The following FBXL13 variants were observed in gnomAD, a reference collection of about 807,000 sequenced individuals.
FBXL13 encodes the protein F-box and leucine-rich repeat protein 13.
In FBXL13, 67 loss-of-function variants were observed where a neutral mutation model predicts 83.6. The ratio of observed to expected loss-of-function variants is 0.80; its 90% CI spans 0.66 to 0.98. The LOEUF is 0.98. Ranked by LOEUF, FBXL13 falls within the 50% of genes least tolerant of loss-of-function variation. FBXL13 has a pLI of 0.00. For synonymous variants in FBXL13, 272 were observed against 299.5 expected, an observed-to-expected ratio of 0.91 and a Z score of 0.95; for missense variants, 822 against 866.5, an observed-to-expected ratio of 0.95 and a Z score of 0.64.
intron 6 of FBXL13, among the ~76,000 whole-genome samples, chr7:102,980,283 G>A (rs960890108): frequency 6.6e-6 from 1 of 152,198 alleles, no homozygotes; most frequent in Non-Finnish European, 1.5e-5. Context: ...GAATAGAGCT[G>A]AGAGACCAGA....
intron 6 of FBXL13, chr7:102,973,564 G>C (rs778962770): frequency 2.6e-6 from 2 of 765,232 alleles, no homozygotes; most frequent in Non-Finnish European, 4.8e-6. Context: ...ACACTGCCTC[G>C]TGTTGTCTGT....
intron 2 of FBXL13, among the ~76,000 whole-genome samples, chr7:103,041,482 A>G (rs1051209885): frequency 2.0e-5 from 3 of 152,240 alleles, no homozygotes; most frequent in African/African-American, 4.8e-5. Flanking sequence ...TGAGGCTAGC[A>G]TCATCCTGAT....
At chr7:103,033,499 A>C (rs1336521007) in intron 2 of FBXL13, among the ~76,000 whole-genome samples, 1 of 151,970 alleles carries the variant, frequency 6.6e-6, no homozygotes, top group Non-Finnish European at 1.5e-5. Context: ...TGATGTTCGG[A>C]TGTGTTCGGA....
At chr7:102,950,180 C>T (rs773548624) in intron 8 of FBXL13, among the ~76,000 whole-genome samples, 11 of 152,068 alleles carry the variant, frequency 7.2e-5, no homozygotes, top group Admixed American at 3.9e-4. Context: ...AAGACCTTAA[C>T]AGACACCTCA....
intron 11 of FBXL13, among the ~76,000 whole-genome samples, chr7:102,900,740 G>A (rs1020263955): frequency 1.3e-5 from 2 of 152,066 alleles, no homozygotes; most frequent in Non-Finnish European, 2.9e-5. Context: ...GGCCTAAAGG[G>A]GCTCAATTTC....
chr7:103,026,775 CA>C (rs977527707), intron 5 of FBXL13, among the ~76,000 whole-genome samples: 1 of 152,124 alleles, frequency 6.6e-6, no homozygotes, highest in Non-Finnish European at 1.5e-5. Context: ...GGGGCAACCA[CA>C]AAAGAAGGGG....
chr7:102,977,936 G>A (rs1050421536), intron 6 of FBXL13, among the ~76,000 whole-genome samples: 1 of 152,072 alleles, frequency 6.6e-6, no homozygotes, highest in East Asian at 1.9e-4. Context: ...ATCACACACC[G>A]GGGCCTGTTG....
In FBXL13 at chr7:102,847,566, G is replaced by A. The variant is rs186208968; in HGVS notation, c.1719+7211C>T. 7.3e-5 allele frequency among the ~76,000 whole-genome samples: 11 copies of A among 151,080 alleles called. No homozygotes were observed. The East Asian group carries it at 9.7e-4, about 13-fold the overall frequency. On this transcript the variant is annotated intron_variant, in intron 17 of 19. Transcript: ENST00000313221. The stretch of plus-strand genomic sequence containing the variant: ...TTTTGACATGGAGTCTCTTTCTGTC[G>A]CCCAGGCTGGAGTGCAGTGGTGTGA...
At position 102,818,390 on chromosome 7, in the gene FBXL13, T is replaced by C. The variant is rs541504686; in HGVS notation, c.2018+3650A>G. Among the ~76,000 whole-genome samples, 3 of 152,344 alleles carry C rather than the reference T, an allele frequency of 2.0e-5. No individual in the cohort carries two copies. The East Asian group carries it at 5.8e-4, about 29-fold the overall frequency. On this transcript the variant is annotated intron_variant, in intron 19 of 19. Transcript: ENST00000313221. ...CTGTTTAAACCAGTTTCCTTATCCA[T>C]TTTGATGATAAAGTGTATTTGTGAG... is the stretch of plus-strand genomic sequence containing the variant.
intron 6 of FBXL13, among the ~76,000 whole-genome samples, chr7:102,995,789 A>AAATT (rs926277666): frequency 8.0e-5 from 12 of 150,094 alleles, no homozygotes; most frequent in African/African-American, 2.7e-4. Context: ...CTGTCTAAAT[A>AAATT]AATAAATAAA....
intron 11 of FBXL13, 57 bp downstream of exon 12, chr7:102,913,029 C>T: frequency 1.9e-6 from 3 of 1,611,676 alleles, no homozygotes; most frequent in Non-Finnish European, 2.5e-6. Context: ...TGAATGCAGC[C>T]CATTCTCTGG....
At chr7:102,865,266 T>C (rs17136137) in intron 16 of FBXL13, among the ~76,000 whole-genome samples, 28,951 of 152,202 alleles carry the variant, frequency 0.19, 3,016 homozygotes, top group East Asian at 0.43. Context: ...CATGCTTCTT[T>C]CTGAAAGATT....
chr7:103,000,520 G>A (rs1204106880), intron 6 of FBXL13, among the ~76,000 whole-genome samples: 1 of 152,182 alleles, frequency 6.6e-6, no homozygotes, highest in Non-Finnish European at 1.5e-5. Context: ...GGTCTATCCT[G>A]GAGAATGCTT....
intron 19 of FBXL13, among the ~76,000 whole-genome samples, chr7:102,815,653 A>T (rs2129444794): frequency 6.6e-6 from 1 of 152,286 alleles, no homozygotes; most frequent in South Asian, 2.1e-4. Context: ...TAGGAAAAGG[A>T]AATGCTTGTT....
intron 1 of FBXL13, among the ~76,000 whole-genome samples, chr7:103,061,834 A>G (rs1797937786): frequency 6.7e-6 from 1 of 150,096 alleles, no homozygotes; most frequent in African/African-American, 2.5e-5. Context: ...GCTACTCAGG[A>G]GGCTGAGGCA....
chr7:102,894,408 G>A (rs1030357186), intron 11 of FBXL13, among the ~76,000 whole-genome samples: 3 of 152,028 alleles, frequency 2.0e-5, no homozygotes, highest in Non-Finnish European at 4.4e-5. Context: ...GTTGATTTGT[G>A]TATAGTGATT....
chr7:102,958,584 G>A (rs1306062279), intron 8 of FBXL13, among the ~76,000 whole-genome samples: 1 of 150,320 alleles, frequency 6.7e-6, no homozygotes, highest in Non-Finnish European at 1.5e-5. Flanking sequence ...GAGACAGAGA[G>A]AGCAAATTTG....
chr7:102,902,103 C>G (rs1339206697), intron 11 of FBXL13, among the ~76,000 whole-genome samples: 1 of 152,208 alleles, frequency 6.6e-6, no homozygotes, highest in South Asian at 2.1e-4. Context: ...TTTGTTATTA[C>G]TTAACTTTTG....
At chr7:102,856,263 T>C (rs1190259861) in intron 16 of FBXL13, among the ~76,000 whole-genome samples, 5 of 152,242 alleles carry the variant, frequency 3.3e-5, no homozygotes, top group Non-Finnish European at 7.3e-5. Context: ...GTTCCAGATG[T>C]GGATGCTATT....
Sources: allele counts gnomAD v4.1 joint callset (sites outside exome capture counted in the v4.1 genomes callset), GRCh38; gene constraint gnomAD v4.1.1; transcripts MANE v1.5; gene names NCBI Gene and HGNC (gene_info 2026-07-23, HGNC 2026-07-21).